The following TMPRSS2 variants were observed in gnomAD, a reference collection of about 807,000 sequenced individuals.
TMPRSS2 encodes transmembrane protease serine 2.
TMPRSS2 carries 59 observed loss-of-function variants against 67.4 expected under a neutral mutation model. That is an observed-to-expected ratio of 0.88 (90% CI 0.71 to 1.09). TMPRSS2 has a LOEUF of 1.09. Ranked by LOEUF, TMPRSS2 falls within the 50% of genes least tolerant of loss-of-function variation. TMPRSS2 has a pLI of 0.00. For missense variants in TMPRSS2, 668 were observed against 642.7 expected (o/e 1.04, Z -0.43); for synonymous variants, 257 against 257.0 (o/e 1.00, Z 0.00).
At chr21:41,488,597 T>G in intron 4 of TMPRSS2, 84 bp from the exon 5 acceptor site, 1 of 1,445,626 alleles carries the variant, frequency 6.9e-7, no homozygotes, top group Non-Finnish European at 9.4e-7. Context: ...GTGGCATTAC[T>G]GTAGCTCGCT....
chr21:41,488,356 A>T (rs1307181993), intron 5 of TMPRSS2, 38 bp downstream of exon 5: 2 of 1,598,696 alleles, frequency 1.3e-6, no homozygotes, highest in East Asian at 2.2e-5. Flanking sequence ...CTCCAAGGTG[A>T]GCAGAGGAGT....
In TMPRSS2 at chr21:41,465,215, A is replaced by G. The variant is rs1048240805; in HGVS notation, c.*927T>C. 1 of 233,784 alleles carries G rather than the reference A, an allele frequency of 4.3e-6. No individual in the cohort carries two copies. Among genetic ancestry groups the G allele is most frequent in the Non-Finnish European group, 8.5e-6 (1 of 118,072 alleles). The allele number at this position is 233,784 out of a possible 1,614,324, so 14.5% of individuals were successfully genotyped here. ...AGACATCAAAAGCTAAGTTTCCAGGAGCACTGAGGTAGCAATGTGTAGAAA... is the reference window on the plus strand; with the variant it reads ...AGACATCAAAAGCTAAGTTTCCAGGGGCACTGAGGTAGCAATGTGTAGAAA... On this transcript the variant is annotated 3_prime_UTR_variant, in exon 14 of 14. Coordinates refer to ENST00000332149, the MANE Select transcript of TMPRSS2 (RefSeq NM_005656.4).
At chr21:41,477,110 A>C (rs952627327) in intron 7 of TMPRSS2, among the ~76,000 whole-genome samples, 3 of 152,208 alleles carry the variant, frequency 2.0e-5, no homozygotes, top group African/African-American at 7.2e-5. Context: ...GTTATGGATG[A>C]AGAGGAAGTA....
chr21:41,466,189 C>G (rs2146416642), intron 13 of TMPRSS2, 36 bp from the exon 14 acceptor site: 1 of 1,612,528 alleles, frequency 6.2e-7, no homozygotes, highest in South Asian at 1.1e-5. Context: ...GTGTTATTTT[C>G]TTAAGACAAA....
intron 8 of TMPRSS2, among the ~76,000 whole-genome samples, chr21:41,475,921 T>C (rs2146443710): frequency 6.6e-6 from 1 of 151,842 alleles, no homozygotes; most frequent in East Asian, 1.9e-4. Flanking sequence ...GATGGGACGG[T>C]GTCAGCTCCT....
At chr21:41,477,893 C>G (rs2091227404) in intron 7 of TMPRSS2, among the ~76,000 whole-genome samples, 1 of 152,136 alleles carries the variant, frequency 6.6e-6, no homozygotes, top group Non-Finnish European at 1.5e-5. Context: ...CCACCACCAC[C>G]ACCGAGATAG....
intron 6 of TMPRSS2, among the ~76,000 whole-genome samples, chr21:41,479,754 C>A (rs1166474369): frequency 6.6e-6 from 1 of 152,098 alleles, no homozygotes; most frequent in Non-Finnish European, 1.5e-5. Context: ...ATATTGAATA[C>A]CCTAAAGTTG....
At chr21:41,484,583 C>A (rs2091281307) in intron 5 of TMPRSS2, among the ~76,000 whole-genome samples, 1 of 152,164 alleles carries the variant, frequency 6.6e-6, no homozygotes, top group African/African-American at 2.4e-5. Flanking sequence ...AGAGAGAATA[C>A]ATGCACAGCG....
chr21:41,505,465 T>C (rs1443713635), intron 1 of TMPRSS2, among the ~76,000 whole-genome samples: 1 of 152,168 alleles, frequency 6.6e-6, no homozygotes, highest in African/African-American at 2.4e-5. Context: ...TGGCATAAGG[T>C]ACTGCACGCA....
intron 6 of TMPRSS2, 80 bp downstream of exon 6, chr21:41,480,396 T>C: frequency 6.4e-7 from 1 of 1,573,906 alleles, no homozygotes; most frequent in South Asian, 1.2e-5. Flanking sequence ...GCCGGTGCTT[T>C]CACAGGGAGG....
rs1417062005 is a variant in TMPRSS2 at position 41,468,486 on chromosome 21, C to T, written c.1224G>A (p.Gln408=). 1 of 1,614,176 alleles carries T rather than the reference C, an allele frequency of 6.2e-7. No individual in the cohort carries two copies. The highest frequency in any genetic ancestry group is 1.7e-5 in the Admixed American group (1 of 60,030). Residue 408 remains glutamine, a synonymous_variant, in exon 12 of 14, where the codon CAG becomes CAA. Coordinates refer to ENST00000332149, the MANE Select transcript of TMPRSS2 (RefSeq NM_005656.4). The part of the protein sequence containing the change: ...NAAKVLLIET[Q]RCNSRYVYDN... Reference sequence around the variant, plus strand: ...CATAGACATATCTGCTGTTGCATCTCTGTGTCTCAATGAGAAGCACCTTGG... The same window carrying T: ...CATAGACATATCTGCTGTTGCATCTTTGTGTCTCAATGAGAAGCACCTTGG...
chr21:41,465,918 C>T lies in TMPRSS2; in HGVS notation c.*224G>A, dbSNP rs948533400. The T allele has an allele frequency of 5.0e-6, 3 of 598,822 alleles. No individual in the cohort carries two copies. The highest frequency in any genetic ancestry group is 2.9e-5 in the East Asian group (1 of 34,420). The allele number at this position is 598,822 out of a possible 1,614,324, so 37.1% of individuals were successfully genotyped here. On this transcript the variant is annotated 3_prime_UTR_variant, in exon 14 of 14. Transcript: ENST00000332149. ...TTGACCGCCAGTGCCCACAACCAGC[C>T]GGCCATCACCCCTTGCGGACAAGGG...
Position 41,481,316 on chromosome 21 carries a change from G to T in TMPRSS2, c.446-714C>A, listed in dbSNP as rs149708827. On this transcript the variant is annotated intron_variant, in intron 5 of 13. Coordinates refer to ENST00000332149, the MANE Select transcript of TMPRSS2 (RefSeq NM_005656.4). ...GAGTGCTGAAGACCTTATGCTCAGT[G>T]AAAGGAGCCGGACATACTGCATGAG... 6.8e-4 allele frequency among the ~76,000 whole-genome samples: 104 copies of T among 152,300 alleles called. 1 individual carries two copies. In the East Asian group the frequency reaches 0.014, roughly 20 times the overall value.
chr21:41,475,968 C>T (rs781028019), intron 8 of TMPRSS2, among the ~76,000 whole-genome samples: 36 of 152,096 alleles, frequency 2.4e-4, no homozygotes, highest in Middle Eastern at 3.4e-3. Context: ...CTCAGGACCA[C>T]GGCCCCACGA....
At chr21:41,476,349 G>A (rs1453102032) in intron 8 of TMPRSS2, among the ~76,000 whole-genome samples, 3 of 152,178 alleles carry the variant, frequency 2.0e-5, no homozygotes, top group Non-Finnish European at 4.4e-5. Flanking sequence ...TCTTGAGCGT[G>A]CCTGATCTCA....
At position 41,472,113 on chromosome 21, in the gene TMPRSS2, T is replaced by C. The variant is rs141301979; in HGVS notation, c.900-132A>G. Reference sequence around the variant, plus strand: ...GTTCACCAAAAACCACACAGGGAGATAGTGGAAGAGGTGCTCGGTCTCCCC... The same window carrying C: ...GTTCACCAAAAACCACACAGGGAGACAGTGGAAGAGGTGCTCGGTCTCCCC... On this transcript the variant is annotated intron_variant, in intron 9 of 13. Coordinates refer to ENST00000332149, the MANE Select transcript of TMPRSS2 (RefSeq NM_005656.4). 4.0e-4 allele frequency: 339 copies of C among 856,644 alleles called. 1 individual carries two copies. The African/African-American group carries it at 5.0e-3, about 13-fold the overall frequency. 53.1% of individuals were successfully genotyped at this position (856,644 alleles called of 1,614,324 possible). A position where few individuals can be genotyped will look rare whatever the true frequency, so the allele number is the denominator to read the frequency against.
chr21:41,491,064 C>T (rs1569023016), intron 3 of TMPRSS2, among the ~76,000 whole-genome samples: 1 of 151,984 alleles, frequency 6.6e-6, no homozygotes, highest in East Asian at 1.9e-4. Context: ...CAAACTGTTA[C>T]AGGCTTAAGA....
chr21:41,489,154 C>T (rs1024059443), intron 4 of TMPRSS2, among the ~76,000 whole-genome samples: 1 of 152,230 alleles, frequency 6.6e-6, no homozygotes, highest in African/African-American at 2.4e-5. Context: ...GATGGGAAGG[C>T]TCAGGCTGCA....
At chr21:41,483,308 CT>C (rs889441594) in intron 5 of TMPRSS2, among the ~76,000 whole-genome samples, 2 of 150,788 alleles carry the variant, frequency 1.3e-5, no homozygotes, top group African/African-American at 4.9e-5. Flanking sequence ...TCTTCTTCTT[CT>C]TTTTTTTTCT....
Sources: allele counts gnomAD v4.1 joint callset (sites outside exome capture counted in the v4.1 genomes callset), GRCh38; gene constraint gnomAD v4.1.1; transcripts MANE v1.5; gene names NCBI Gene and HGNC (gene_info 2026-07-23, HGNC 2026-07-21).